ABL1: variants seen among roughly 807,000 people sequenced by gnomAD.
ABL1 encodes the protein ABL proto-oncogene 1, non-receptor tyrosine kinase, also known as tyrosine-protein kinase ABL1.
A neutral mutation model predicts 94.7 loss-of-function variants in ABL1; 11 were observed. The observed-to-expected ratio is 0.12, with a 90% CI of 0.07 to 0.19. The LOEUF is 0.19. ABL1 is among the 10% of genes least tolerant of loss of function. ABL1 has a pLI of 1.00. For missense variants in ABL1, 1,082 were observed against 1,489.4 expected (o/e 0.73, Z 4.50); for synonymous variants, 656 against 622.4 (o/e 1.05, Z -0.80).
chr9:130,834,935 A>G (rs1830539605), upstream of ABL1: 1 of 455,776 alleles, frequency 2.2e-6, no homozygotes, highest in East Asian at 7.0e-5. Context: ...AAAGCGGTGC[A>G]GGTTGGAGAC....
At chr9:130,864,659 A>G (rs901984015) in intron 4 of ABL1, among the ~76,000 whole-genome samples, 15 of 152,252 alleles carry the variant, frequency 9.9e-5, no homozygotes, top group Admixed American at 2.6e-4. Flanking sequence ...CATCTGAGAC[A>G]TAGGGTGGTC....
At chr9:130,719,196 A>G (rs950168986) in intron 1 of ABL1, among the ~76,000 whole-genome samples, 4 of 152,190 alleles carry the variant, frequency 2.6e-5, no homozygotes, top group African/African-American at 9.6e-5. Flanking sequence ...TCTTTTTACA[A>G]CAAACTTGGG....
Position 130,862,109 on chromosome 9 carries a change from T to C in ABL1, c.550-654T>C, listed in dbSNP as rs1831083277. 6.6e-6 allele frequency among the ~76,000 whole-genome samples: 1 copy of C among 152,260 alleles called. No individual in the cohort carries two copies. Among genetic ancestry groups the C allele is most frequent in the Non-Finnish European group, 1.5e-5 (1 of 68,048 alleles). On this transcript the variant is annotated intron_variant, in intron 3 of 10. Transcript: ENST00000318560. This position sits in a 1 kb window ranked among gnomAD's most constrained non-coding sequence, Gnocchi z 5.5. Reference sequence around the variant, plus strand: ...TCATCTTCTGGTCACTATTTCATTCTAGGTTTATCCCCTTTAAATTATAAA... The same window carrying C: ...TCATCTTCTGGTCACTATTTCATTCCAGGTTTATCCCCTTTAAATTATAAA...
intron 1 of ABL1, among the ~76,000 whole-genome samples, chr9:130,781,926 C>T (rs1829761334): frequency 6.6e-6 from 1 of 152,174 alleles, no homozygotes; most frequent in South Asian, 2.1e-4. Context: ...TATGACTTAG[C>T]ATTCACATAT....
intron 1 of ABL1, among the ~76,000 whole-genome samples, chr9:130,723,036 A>G (rs1831536077): frequency 2.0e-5 from 3 of 152,212 alleles, no homozygotes; most frequent in Admixed American, 2.0e-4. Flanking sequence ...AACATGATTT[A>G]GCTGGGAATT....
rs35185474 is a variant in ABL1 at position 130,733,575 on chromosome 9, C to CTTTTTT, written c.136+19137_136+19142dup. 5.2e-4 allele frequency among the ~76,000 whole-genome samples: 54 copies of CTTTTTT among 103,186 alleles called. 1 individual carries two copies. Among genetic ancestry groups the CTTTTTT allele is most frequent in the Middle Eastern group, 6.3e-3 (1 of 158 alleles). 67.7% of individuals were successfully genotyped at this position (103,186 alleles called of 152,430 possible). On this transcript the variant is annotated intron_variant, in intron 1 of 10. Coordinates refer to the ABL1 transcript ENST00000372348. ...CACCACTGCGCCTGGCTGTAAAGCA[C>CTTTTTT]TTTTTTTTTTTTTTTTTTTTTTGAG... is the stretch of plus-strand genomic sequence containing the variant.
chr9:130,868,779 C>T (rs983327309), intron 4 of ABL1, among the ~76,000 whole-genome samples: 1 of 152,090 alleles, frequency 6.6e-6, no homozygotes, highest in Non-Finnish European at 1.5e-5. Context: ...CTCGGCCCCC[C>T]AGAGAGGCCA....
chr9:130,728,172 T>G lies in ABL1; in HGVS notation c.136+13717T>G, dbSNP rs1481218416. 8.0e-5 allele frequency among the ~76,000 whole-genome samples: 12 copies of G among 150,126 alleles called. No individual in the cohort carries two copies. The East Asian group carries it at 1.6e-3, about 20-fold the overall frequency. On this transcript the variant is annotated intron_variant, in intron 1 of 10. Transcript: ENST00000372348. ...TCCGTCTCCCAGACTCAAGCTGTTC[T>G]CCCACCTCAGCCTCCTGAGTAGCTG...
chr9:130,744,033 C>G (rs577730507), intron 1 of ABL1, among the ~76,000 whole-genome samples: 2 of 151,962 alleles, frequency 1.3e-5, no homozygotes, highest in Middle Eastern at 3.4e-3. Context: ...AACATTTTAT[C>G]TTTAAAACAA....
chr9:130,717,284 C>A (rs1023623684), intron 1 of ABL1, among the ~76,000 whole-genome samples: 4 of 152,084 alleles, frequency 2.6e-5, no homozygotes, highest in Non-Finnish European at 5.9e-5. Flanking sequence ...TTCAAATGAT[C>A]TGGCCACCTC....
At chr9:130,818,999 T>G (rs919970473) in intron 1 of ABL1, among the ~76,000 whole-genome samples, 11 of 152,196 alleles carry the variant, frequency 7.2e-5, no homozygotes, top group Admixed American at 5.9e-4. Flanking sequence ...GTTCTTTCAG[T>G]GTCTGATTCT....
chr9:130,779,549 T>C (rs1176792036), intron 1 of ABL1, among the ~76,000 whole-genome samples: 1 of 152,188 alleles, frequency 6.6e-6, no homozygotes, highest in African/African-American at 2.4e-5. Context: ...GACCTCATAC[T>C]GTTTAGTCCT....
intron 1 of ABL1, chr9:130,714,474 T>A: frequency 6.2e-7 from 1 of 1,614,168 alleles, no homozygotes; most frequent in Non-Finnish European, 8.5e-7. Context: ...TTTTCAAAAT[T>A]TCTGCTCATG....
chr9:130,748,988 G>A (rs998649732), intron 1 of ABL1, among the ~76,000 whole-genome samples: 7 of 152,078 alleles, frequency 4.6e-5, no homozygotes, highest in African/African-American at 1.2e-4. Context: ...GCCATGACCC[G>A]AAGTATGAAA....
At chr9:130,874,826 G>T (rs776065010) in intron 6 of ABL1, 42 bp from the exon 7 acceptor site, 4 of 1,601,928 alleles carry the variant, frequency 2.5e-6, no homozygotes, top group Admixed American at 1.7e-5. Flanking sequence ...GAAGTGGAAG[G>T]TTGGCCAGGA....
intron 1 of ABL1, among the ~76,000 whole-genome samples, chr9:130,717,659 TAAA>T (rs55678553): frequency 1.1e-4 from 14 of 128,132 alleles, no homozygotes; most frequent in East Asian, 2.3e-4. Flanking sequence ...CTCTGGGGGG[TAAA>T]AAAAAAAAAA....
At chr9:130,788,728 G>A (rs1156786235) in intron 1 of ABL1, among the ~76,000 whole-genome samples, 1 of 152,122 alleles carries the variant, frequency 6.6e-6, no homozygotes, top group Non-Finnish European at 1.5e-5. Flanking sequence ...TGTATAGAAT[G>A]TTTTTCAATT....
At chr9:130,843,150 G>A (rs1461021608) in intron 1 of ABL1, among the ~76,000 whole-genome samples, 2 of 152,230 alleles carry the variant, frequency 1.3e-5, no homozygotes, top group East Asian at 3.8e-4. Flanking sequence ...ACAGACAAGT[G>A]CAGGGTGTTC....
At chr9:130,735,107 G>A (rs931143868) in intron 1 of ABL1, among the ~76,000 whole-genome samples, 4 of 151,938 alleles carry the variant, frequency 2.6e-5, no homozygotes, top group African/African-American at 9.7e-5. Flanking sequence ...TTGGCTTACC[G>A]CAACCTCCGC....
Sources: gnomAD v4.1 joint callset for allele counts (sites outside exome capture counted in the v4.1 genomes callset) on GRCh38, gnomAD v4.1.1 for gene constraint, Gnocchi (gnomAD v3.1) non-coding constraint, MANE v1.5 for transcripts, NCBI Gene and HGNC (gene_info 2026-07-23, HGNC 2026-07-21) for gene names.